The following FRMD4B variants were observed in gnomAD, a reference collection of about 807,000 sequenced individuals.
FRMD4B encodes FERM domain containing 4B, also known as FERM domain-containing protein 4B.
Under a neutral mutation model 141.5 loss-of-function variants are expected in FRMD4B, and 74 were observed. The ratio of observed to expected loss-of-function variants is 0.52; its 90% CI spans 0.43 to 0.63. The LOEUF is 0.63. Among genes scored for constraint, FRMD4B ranks in the 30% least tolerant of loss-of-function variants. FRMD4B has a pLI of 0.00. For synonymous variants in FRMD4B, 506 were observed against 467.9 expected (o/e 1.08, Z -1.05); for missense variants, 1,366 against 1,253.4 (o/e 1.09, Z -1.36).
intron 11 of FRMD4B, among the ~76,000 whole-genome samples, chr3:69,208,357 C>A (rs1318252856): frequency 1.3e-5 from 2 of 152,036 alleles, no homozygotes; most frequent in Non-Finnish European, 2.9e-5. Flanking sequence ...AGCCACCACG[C>A]CTGGCCTAAT....
chr3:69,278,761 T>C lies in FRMD4B; in HGVS notation c.501+8991A>G, dbSNP rs1040074044. On this transcript the variant is annotated intron_variant, in intron 5 of 22. Transcript: ENST00000398540. ...GCCACTGCACCTGGCTAATTTTTTT[T>C]TATTTTTTGTAGAGACGGGGTTTCA... Among the ~76,000 whole-genome samples, 7 of 152,196 alleles carry C rather than the reference T, an allele frequency of 4.6e-5. No individual in the cohort carries two copies. In the East Asian group the frequency reaches 1.4e-3, roughly 30 times the overall value.
intron 1 of FRMD4B, among the ~76,000 whole-genome samples, chr3:69,509,620 T>C (rs1411155453): frequency 3.3e-5 from 5 of 152,188 alleles, no homozygotes; most frequent in African/African-American, 1.2e-4. Context: ...GCATTTGCCT[T>C]CTGCAGCTGT....
chr3:69,380,742 G>A (rs1156423158), intron 1 of FRMD4B, among the ~76,000 whole-genome samples: 4 of 152,104 alleles, frequency 2.6e-5, no homozygotes, highest in African/African-American at 7.2e-5. Context: ...TAAATATCCC[G>A]GAGTCTGTGC....
chr3:69,394,757 G>A (rs115943776), intron 2 of FRMD4B, among the ~76,000 whole-genome samples: 4,205 of 152,162 alleles, frequency 0.028, 80 homozygotes, highest in Non-Finnish European at 0.043. Context: ...CAAAGATTTG[G>A]GATCAACCCA....
intron 1 of FRMD4B, chr3:69,432,994 G>A (rs1169256160): frequency 6.6e-6 from 1 of 152,146 alleles, no homozygotes; most frequent in Non-Finnish European, 1.5e-5. Flanking sequence ...TACCAATTTG[G>A]CTTCTTACAG....
At chr3:69,200,799 C>G (rs2092958115) in intron 11 of FRMD4B, 1 of 593,582 alleles carries the variant, frequency 1.7e-6, no homozygotes, top group African/African-American at 1.9e-5. Context: ...CATTTCTACC[C>G]TAGTTTACTC....
intron 9 of FRMD4B, among the ~76,000 whole-genome samples, chr3:69,218,737 A>G (rs889264214): frequency 6.6e-6 from 1 of 152,244 alleles, no homozygotes; most frequent in Non-Finnish European, 1.5e-5. Context: ...GGTCATACTC[A>G]TAAGTTAAAC....
At chr3:69,350,568 C>G (rs891320242) in intron 1 of FRMD4B, among the ~76,000 whole-genome samples, 6 of 152,064 alleles carry the variant, frequency 3.9e-5, no homozygotes, top group African/African-American at 1.4e-4. Flanking sequence ...AGACTTGGAA[C>G]CAATCCAAAT....
At chr3:69,467,317 G>A (rs907365584) in intron 1 of FRMD4B, among the ~76,000 whole-genome samples, 4 of 152,110 alleles carry the variant, frequency 2.6e-5, no homozygotes, top group Non-Finnish European at 4.4e-5. Flanking sequence ...GCTAGCATTT[G>A]AGCGGTAACT....
intron 2 of FRMD4B, among the ~76,000 whole-genome samples, chr3:69,397,371 G>C (rs537632512): frequency 1.3e-5 from 2 of 152,192 alleles, no homozygotes; most frequent in South Asian, 4.1e-4. Context: ...ATTTCTTTTT[G>C]AGGTGATGAA....
chr3:69,408,374 C>CA (rs988531327), intron 2 of FRMD4B, among the ~76,000 whole-genome samples: 2 of 152,166 alleles, frequency 1.3e-5, no homozygotes, highest in African/African-American at 4.8e-5. Context: ...AAGTGTGGTT[C>CA]AAGAGCCAAG....
At chr3:69,339,382 G>A (rs190197720) in intron 1 of FRMD4B, among the ~76,000 whole-genome samples, 75 of 152,202 alleles carry the variant, frequency 4.9e-4, no homozygotes, top group African/African-American at 1.5e-3. Flanking sequence ...GACACTAGCC[G>A]GTGGGACTTT....
chr3:69,191,755 GGGCCATAACAAAT>G (rs1348567873), intron 17 of FRMD4B, among the ~76,000 whole-genome samples: 1 of 152,164 alleles, frequency 6.6e-6, no homozygotes, highest in Non-Finnish European at 1.5e-5. Flanking sequence ...GAGGATGGAT[GGGCCATAACAAAT>G]GGCCATGAAG....
At position 69,193,811 on chromosome 3, in the gene FRMD4B, T is replaced by C. The variant is rs2092868306; in HGVS notation, c.1551A>G (p.Ala517=). The part of the protein sequence containing the change: ...FLIQQKLVEA[A]KKLANEPDLC... Reference sequence around the variant, plus strand: ...GGTCTGGCTCATTGGCAAGTTTCTTTGCAGCTTCCACCAGCTTTTGTTGTA... The same window carrying C: ...GGTCTGGCTCATTGGCAAGTTTCTTCGCAGCTTCCACCAGCTTTTGTTGTA... The change falls in exon 17 of 23, where the codon GCA becomes GCG. Residue 517 remains alanine, a synonymous_variant. Coordinates refer to ENST00000398540, the MANE Select transcript of FRMD4B (RefSeq NM_015123.3). 2 of 1,613,980 alleles carry C rather than the reference T, an allele frequency of 1.2e-6. No homozygotes were observed. The highest frequency in any genetic ancestry group is 1.7e-5 in the Admixed American group (1 of 60,038).
chr3:69,243,863 T>C (rs1201082534), intron 7 of FRMD4B, among the ~76,000 whole-genome samples: 1 of 152,090 alleles, frequency 6.6e-6, no homozygotes, highest in Admixed American at 6.6e-5. Context: ...CTGGCCAACG[T>C]GGTGAAACCC....
At chr3:69,471,431 T>C in intron 1 of FRMD4B, 2 of 249,344 alleles carry the variant, frequency 8.0e-6, no homozygotes, top group Admixed American at 4.0e-5. Flanking sequence ...CTTATCACTA[T>C]ATTGCTGAGA....
chr3:69,298,095 T>G (rs941360403), intron 4 of FRMD4B, among the ~76,000 whole-genome samples: 3 of 152,176 alleles, frequency 2.0e-5, no homozygotes, highest in Admixed American at 6.5e-5. Context: ...GACCTCAGGG[T>G]TTAGCTCAGG....
At chr3:69,424,081 A>T (rs566635519) in intron 2 of FRMD4B, among the ~76,000 whole-genome samples, 26 of 152,336 alleles carry the variant, frequency 1.7e-4, no homozygotes, top group African/African-American at 5.8e-4. Context: ...TATGAGTTCA[A>T]TGTTAATGAA....
chr3:69,185,602 C>G (rs1473333746), intron 19 of FRMD4B, among the ~76,000 whole-genome samples: 1 of 152,024 alleles, frequency 6.6e-6, no homozygotes, highest in African/African-American at 2.4e-5. Context: ...TTGATGAACC[C>G]AAAGAAGTTA....
Sources: gnomAD v4.1 joint callset for allele counts (sites outside exome capture counted in the v4.1 genomes callset) on GRCh38, gnomAD v4.1.1 for gene constraint, MANE v1.5 for transcripts, NCBI Gene and HGNC (gene_info 2026-07-23, HGNC 2026-07-21) for gene names.